The following TRPM4 variants were observed in gnomAD, a reference collection of about 807,000 sequenced individuals.
TRPM4 encodes the protein transient receptor potential cation channel subfamily M member 4.
Under a neutral mutation model 135.6 loss-of-function variants are expected in TRPM4, and 124 were observed. The observed-to-expected ratio is 0.91, with a 90% CI of 0.79 to 1.06. The LOEUF (loss-of-function observed/expected upper bound fraction) is 1.06. Among genes scored for constraint, TRPM4 ranks in the 50% least tolerant of loss-of-function variants. TRPM4 has a pLI of 0.00. For missense variants in TRPM4, 1,658 were observed against 1,671.4 expected, an observed-to-expected ratio of 0.99 and a Z score of 0.14; for synonymous variants, 745 against 705.6, an observed-to-expected ratio of 1.06 and a Z score of -0.88.
intron 9 of TRPM4, among the ~76,000 whole-genome samples, chr19:49,179,255 A>T (rs1054736695): frequency 6.8e-6 from 1 of 147,470 alleles, no homozygotes; most frequent in South Asian, 2.2e-4. Context: ...AGGTTTCTCC[A>T]TGTTGGTCAG....
chr19:49,197,688 CTT>C (rs551709011), intron 17 of TRPM4, among the ~76,000 whole-genome samples: 3 of 143,220 alleles, frequency 2.1e-5, no homozygotes, highest in Non-Finnish European at 1.5e-5. Context: ...TCTTTCTTTT[CTT>C]TTTTTTTTTT....
At chr19:49,190,120 T>A (rs746651915) in intron 14 of TRPM4, 88 bp from the exon 15 acceptor site, 136 of 1,085,958 alleles carry the variant, frequency 1.3e-4, no homozygotes, top group Non-Finnish European at 1.7e-4. Context: ...TGCTCTGTAC[T>A]CTGGAGCTGC....
intron 20 of TRPM4, 113 bp downstream of exon 20, chr19:49,202,254 A>G (rs1021798844): frequency 7.0e-6 from 9 of 1,283,276 alleles, no homozygotes; most frequent in African/African-American, 5.9e-5. Context: ...CTCTGATCCA[A>G]TCTAATGCTG....
chr19:49,166,284 C>T, intron 3 of TRPM4, 69 bp downstream of exon 3: 1 of 1,479,492 alleles, frequency 6.8e-7, no homozygotes, highest in Non-Finnish European at 9.1e-7. Context: ...CAGAGTGGAG[C>T]CGGGACGCCC....
chr19:49,182,492 C>A lies in TRPM4; in HGVS notation c.1264-86C>A, dbSNP rs549453100. On this transcript the variant is annotated intron_variant, in intron 10 of 24. Transcript: ENST00000252826. ...TCCATCCATCCATCCATCCATCCAT[C>A]CATCCATCCGTCCCTCATACCCTTG... The A allele has an allele frequency of 5.0e-6, 5 of 996,738 alleles. No homozygotes were observed. In the African/African-American group the frequency reaches 8.8e-5, roughly 18 times the overall value. The allele number at this position is 996,738 out of a possible 1,614,324, so 61.7% of individuals were successfully genotyped here.
chr19:49,168,118 G>A (rs745593908), intron 4 of TRPM4, 21 bp downstream of exon 4: 2 of 1,594,748 alleles, frequency 1.3e-6, no homozygotes, highest in Non-Finnish European at 8.5e-7. Flanking sequence ...GTGGGTGGGG[G>A]CTGTCTCCTG....
Position 49,203,324 on chromosome 19 carries a change from C to T in TRPM4, c.3131+1183C>T, listed in dbSNP as rs562887647. ...CCTCCCAAGTAGCTAGGACTACAGG[C>T]GTGCGCCACCACACCTGGCTAATTT... On this transcript the variant is annotated intron_variant, in intron 20 of 24. Transcript: ENST00000252826. Among the ~76,000 whole-genome samples the T allele has an allele frequency of 3.3e-5, 5 of 151,916 alleles. No homozygotes were observed. In the East Asian group the frequency reaches 5.8e-4, roughly 18 times the overall value.
intron 9 of TRPM4, 101 bp downstream of exon 9, chr19:49,172,209 G>A: frequency 1.1e-6 from 1 of 933,936 alleles, no homozygotes; most frequent in Non-Finnish European, 1.7e-6. Flanking sequence ...CAAGGCCCAT[G>A]CCCCCTTTAC....
rs142862682 is a variant in TRPM4, at chr19:49,203,985, G to A, written c.3131+1844G>A. Among the ~76,000 whole-genome samples the A allele has an allele frequency of 1.1e-3, 172 of 152,142 alleles. 1 individual carries two copies. The highest frequency in any genetic ancestry group is 3.9e-3 in the African/African-American group (163 of 41,534). On this transcript the variant is annotated intron_variant, in intron 20 of 24. Transcript: ENST00000252826. ...TTTACTAAAAATACAAAAATTAGCT[G>A]GGCTCATGTCTGTAATTCCAGCTAC...
chr19:49,203,471 G>A (rs148868362), intron 20 of TRPM4, among the ~76,000 whole-genome samples: 57 of 152,282 alleles, frequency 3.7e-4, no homozygotes, highest in African/African-American at 1.1e-3. Flanking sequence ...GAGCCACCGC[G>A]GCCGGAGTTG....
Position 49,196,817 on chromosome 19 carries a change from G to C in TRPM4, c.2588G>C (p.Ser863Thr). ...CGCCTGCGCCTCTACCTCGCCGACA[G>C]CTGGAACCAGTGCGACCTAGTGGCT... ...SQRLRLYLAD[S>T]WNQCDLVALT... The change falls in exon 17 of 25, where the codon AGC (serine) becomes ACC (threonine). Residue 863 changes from serine (S) to threonine (T), a missense_variant. Ser to Thr is a moderately conservative substitution (Grantham distance 58). This residue lies in a region of TRPM4 where 1,412 missense variants were observed against 1,408.7 expected (regional missense o/e 1.00). Coordinates refer to ENST00000252826, the MANE Select transcript of TRPM4 (RefSeq NM_017636.4). 6.3e-7 allele frequency: 1 copy of C among 1,590,282 alleles called. No individual in the cohort carries two copies. Among genetic ancestry groups the C allele is most frequent in the Non-Finnish European group, 8.5e-7 (1 of 1,175,692 alleles).
intron 11 of TRPM4, 29 bp downstream of exon 11, chr19:49,182,951 C>A: frequency 1.3e-6 from 2 of 1,582,022 alleles, no homozygotes; most frequent in South Asian, 1.1e-5. Flanking sequence ...TGGGGGGCCC[C>A]CCCGCGCGGG....
rs1400210713 is a variant in TRPM4 at position 49,166,190 on chromosome 19, C to A, written c.242C>A (p.Thr81Lys). Reference protein sequence around the residue: ...PTDAYGELDFTGAGRKHSNFL... With the variant: ...PTDAYGELDFKGAGRKHSNFL... ...GATGCCTACGGAGAGCTGGACTTCACGGGGGCCGGCCGCAAGCACAGCAAT... is the reference window on the plus strand; with the variant it reads ...GATGCCTACGGAGAGCTGGACTTCAAGGGGGCCGGCCGCAAGCACAGCAAT... Residue 81 changes from threonine (T) to lysine (K), a missense_variant, in exon 3 of 25, where the codon ACG becomes AAG. Physicochemically the swap from Thr to Lys is moderately conservative, Grantham distance 78. Coordinates refer to ENST00000252826, the MANE Select transcript of TRPM4 (RefSeq NM_017636.4). 2.5e-6 allele frequency: 4 copies of A among 1,607,366 alleles called. No homozygotes were observed. The highest frequency in any genetic ancestry group is 3.4e-6 in the Non-Finnish European group (4 of 1,177,848).
chr19:49,209,074 A>T (rs2145992909), intron 20 of TRPM4, among the ~76,000 whole-genome samples: 1 of 152,184 alleles, frequency 6.6e-6, no homozygotes, highest in Admixed American at 6.5e-5. Flanking sequence ...TGGTGTTTGC[A>T]TTAATTTTTG....
chr19:49,165,950 G>C, intron 2 of TRPM4, 91 bp from the exon 3 acceptor site: 1 of 1,334,352 alleles, frequency 7.5e-7, no homozygotes, highest in Non-Finnish European at 1.0e-6. Context: ...ACTCAGTGTC[G>C]ACAGCCCCCT....
intron 20 of TRPM4, among the ~76,000 whole-genome samples, chr19:49,204,909 G>T (rs1484893116): frequency 1.4e-5 from 2 of 140,480 alleles, no homozygotes; most frequent in Non-Finnish European, 3.1e-5. Flanking sequence ...CCTATGTTAG[G>T]TCTCTCTGTT....
intron 16 of TRPM4, among the ~76,000 whole-genome samples, chr19:49,195,636 C>T (rs1968602295): frequency 6.6e-6 from 1 of 151,270 alleles, no homozygotes; most frequent in South Asian, 2.1e-4. Context: ...TCCCCAAATG[C>T]TGGGATTACA....
In TRPM4 at chr19:49,207,028, G is replaced by A. The variant is rs1351053793; in HGVS notation, c.3132-3181G>A. 4.6e-5 allele frequency among the ~76,000 whole-genome samples: 7 copies of A among 152,296 alleles called. No individual in the cohort carries two copies. In the East Asian group the frequency reaches 1.3e-3, roughly 29 times the overall value. On this transcript the variant is annotated intron_variant, in intron 20 of 24. Coordinates refer to ENST00000252826, the MANE Select transcript of TRPM4 (RefSeq NM_017636.4). ...ACCCTGCAACTTTGCTGAATCTGCA[G>A]CCCTAGAAGCTTTCTTGTGATTCTC... is the stretch of plus-strand genomic sequence containing the variant.
At chr19:49,178,087 T>C (rs1387156607) in intron 9 of TRPM4, among the ~76,000 whole-genome samples, 2 of 152,146 alleles carry the variant, frequency 1.3e-5, no homozygotes, top group African/African-American at 2.4e-5. Context: ...TCACAGCACC[T>C]TGGAAGACTA....
Sources: gnomAD v4.1 joint callset for allele counts (sites outside exome capture counted in the v4.1 genomes callset) on GRCh38, gnomAD v4.1.1 for gene constraint, gnomAD v4.1.1 regional missense constraint, MANE v1.5 for transcripts, NCBI Gene and HGNC (gene_info 2026-07-23, HGNC 2026-07-21) for gene names.